RARB: variants seen among roughly 807,000 people sequenced by gnomAD.
The protein encoded by RARB is retinoic acid receptor beta, also known as HBV-activated protein.
A neutral mutation model predicts 51.9 loss-of-function variants in RARB; 17 were observed. The ratio of observed to expected loss-of-function variants is 0.33; its 90% confidence interval spans 0.22 to 0.49. The LOEUF is 0.49. Ranked by LOEUF, RARB falls within the 20% of genes least tolerant of loss-of-function variation. The pLI is 0.99. For missense variants in RARB, 369 were observed against 550.8 expected (o/e 0.67, Z 3.30); for synonymous variants, 215 against 195.4 (o/e 1.10, Z -0.84).
intron 3 of RARB, among the ~76,000 whole-genome samples, chr3:25,115,656 T>C (rs569158248): frequency 2.0e-5 from 3 of 151,858 alleles, no homozygotes; most frequent in Admixed American, 2.0e-4. Flanking sequence ...TTCTTTCTTT[T>C]TCCTTTCCTT....
intron 2 of RARB, among the ~76,000 whole-genome samples, chr3:24,967,097 G>A (rs1318950397): frequency 6.6e-6 from 1 of 152,118 alleles, no homozygotes; most frequent in African/African-American, 2.4e-5. Flanking sequence ...ATTTCACAGA[G>A]AAATTTCCAT....
chr3:25,450,948 T>C (rs993164611), intron 1 of RARB, among the ~76,000 whole-genome samples: 1 of 151,688 alleles, frequency 6.6e-6, no homozygotes, highest in Non-Finnish European at 1.5e-5. Context: ...TAGCCGGGCG[T>C]GGTGGCGCAC....
chr3:25,311,629 G>T (rs1202223483), intron 5 of RARB, among the ~76,000 whole-genome samples: 1 of 152,254 alleles, frequency 6.6e-6, no homozygotes, highest in African/African-American at 2.4e-5. Context: ...TTCCTCAAAG[G>T]AAGCAGGGTG....
At chr3:25,018,545 G>C (rs958426075) in intron 2 of RARB, among the ~76,000 whole-genome samples, 2 of 152,168 alleles carry the variant, frequency 1.3e-5, no homozygotes, top group African/African-American at 4.8e-5. Flanking sequence ...TCTCTTTGAA[G>C]GCTGTCACTA....
chr3:25,210,553 T>TTTTTTTTTTTTTTTTTTTTTTTTATGA (rs869216441), intron 5 of RARB, among the ~76,000 whole-genome samples: 1 of 82,498 alleles, frequency 1.2e-5, no homozygotes, highest in Non-Finnish European at 2.4e-5. Flanking sequence ...TTTTTTTTTT[T>TTTTTTTTTTTTTTTTTTTTTTTTATGA]GAGATTGAGT....
At chr3:24,991,934 C>T (rs1696920804) in intron 2 of RARB, among the ~76,000 whole-genome samples, 1 of 152,054 alleles carries the variant, frequency 6.6e-6, no homozygotes, top group Non-Finnish European at 1.5e-5. Flanking sequence ...GCTCCAGTAC[C>T]CTGTGCCAAA....
intron 5 of RARB, among the ~76,000 whole-genome samples, chr3:25,590,332 A>G (rs1014543858): frequency 6.6e-6 from 1 of 152,212 alleles, no homozygotes; most frequent in African/African-American, 2.4e-5. Flanking sequence ...AATGTCCTAA[A>G]TCCTGGTCTT....
chr3:25,553,520 T>C (rs1458098549), intron 3 of RARB, among the ~76,000 whole-genome samples: 2 of 152,202 alleles, frequency 1.3e-5, no homozygotes, highest in East Asian at 1.9e-4. Flanking sequence ...GGAAGAATTG[T>C]GGAAGAACTC....
At chr3:25,279,346 T>C (rs927031239) in intron 5 of RARB, among the ~76,000 whole-genome samples, 2 of 152,182 alleles carry the variant, frequency 1.3e-5, no homozygotes, top group African/African-American at 2.4e-5. Context: ...CTGTTTTCTT[T>C]TTCTCTCTTG....
At chr3:24,848,360 C>T (rs1057124625) in intron 1 of RARB, among the ~76,000 whole-genome samples, 5 of 152,142 alleles carry the variant, frequency 3.3e-5, no homozygotes, top group African/African-American at 1.2e-4. Flanking sequence ...GGCGCCTGGC[C>T]CTGTAAGGTT....
chr3:25,124,192 G>C (rs1484683550), intron 3 of RARB, among the ~76,000 whole-genome samples: 1 of 152,162 alleles, frequency 6.6e-6, no homozygotes, highest in South Asian at 2.1e-4. Flanking sequence ...GGCCAACATA[G>C]TGAAACTTTG....
intron 2 of RARB, among the ~76,000 whole-genome samples, chr3:25,033,520 T>C (rs1697918497): frequency 6.6e-6 from 1 of 152,134 alleles, no homozygotes; most frequent in African/African-American, 2.4e-5. Context: ...AGAAGCTGTG[T>C]CTCTATGTGG....
chr3:24,931,551 T>C (rs890271592), intron 2 of RARB, among the ~76,000 whole-genome samples: 2 of 152,040 alleles, frequency 1.3e-5, no homozygotes, highest in African/African-American at 4.8e-5. Context: ...TGTCACCTGG[T>C]AAAGTCTACA....
intron 3 of RARB, among the ~76,000 whole-genome samples, chr3:25,124,381 G>A (rs1457666757): frequency 6.6e-6 from 1 of 152,138 alleles, no homozygotes; most frequent in Non-Finnish European, 1.5e-5. Flanking sequence ...CAAAAAGAAA[G>A]AAATTGTGGA....
At chr3:24,973,915 C>T (rs4498000) in intron 2 of RARB, among the ~76,000 whole-genome samples, 112,591 of 151,990 alleles carry the variant, frequency 0.74, 42,030 homozygotes, top group East Asian at 0.93. Flanking sequence ...ATTTGACTTC[C>T]TCCTTTCCAA....
intron 3 of RARB, among the ~76,000 whole-genome samples, chr3:25,130,947 T>TATTTATAA (rs1559477575): frequency 2.3e-5 from 1 of 43,000 alleles, no homozygotes; most frequent in Admixed American, 3.8e-4. Flanking sequence ...ATATCAATAT[T>TATTTATAA]TATTATTGAT....
chr3:24,963,035 A>G (rs542028648), intron 2 of RARB, among the ~76,000 whole-genome samples: 5 of 152,140 alleles, frequency 3.3e-5, no homozygotes, highest in East Asian at 1.9e-4. Flanking sequence ...TTTTTGTTCT[A>G]TGTAAGTGGT....
At chr3:25,080,649 A>G (rs1698975254) in intron 3 of RARB, among the ~76,000 whole-genome samples, 1 of 152,010 alleles carries the variant, frequency 6.6e-6, no homozygotes, top group Non-Finnish European at 1.5e-5. Context: ...TTTTATTTCC[A>G]TTTCCCCAGT....
intron 5 of RARB, among the ~76,000 whole-genome samples, chr3:25,297,827 T>C (rs1366486000): frequency 1.3e-5 from 2 of 152,188 alleles, no homozygotes; most frequent in Non-Finnish European, 2.9e-5. Context: ...TTTTTTGATG[T>C]TGTCCTAGAT....
Sources: allele counts gnomAD v4.1 joint callset (sites outside exome capture counted in the v4.1 genomes callset), GRCh38; gene constraint gnomAD v4.1.1; transcripts MANE v1.5; gene names NCBI Gene and HGNC (gene_info 2026-07-23, HGNC 2026-07-21).